Variants in CRACD observed in about 807,000 individuals in gnomAD.
CRACD encodes the protein capping protein inhibiting regulator of actin dynamics.
CRACD carries 56 observed loss-of-function variants against 106.8 expected under a neutral mutation model. The observed-to-expected ratio is 0.52, with a 90% confidence interval of 0.42 to 0.66. CRACD has a LOEUF of 0.66. Among genes scored for constraint, CRACD ranks in the 30% least tolerant of loss-of-function variants. The pLI, the probability that CRACD is intolerant of heterozygous loss-of-function variation, is 0.00. For synonymous variants in CRACD, 754 were observed against 670.8 expected, an observed-to-expected ratio of 1.12 and a Z score of -1.92; for missense variants, 1,730 against 1,623.2, an observed-to-expected ratio of 1.07 and a Z score of -1.13.
intron 3 of CRACD, among the ~76,000 whole-genome samples, chr4:56,278,435 G>T (rs1443392172): frequency 1.3e-5 from 2 of 152,110 alleles, no homozygotes; most frequent in Non-Finnish European, 2.9e-5. Context: ...AAATATTTCT[G>T]GGACAATTGG....
intron 1 of CRACD, among the ~76,000 whole-genome samples, chr4:56,168,104 A>G (rs1736217401): frequency 6.6e-6 from 1 of 152,172 alleles, no homozygotes; most frequent in Admixed American, 6.5e-5. Flanking sequence ...CTACAATGTT[A>G]AAGAGAAGTA....
chr4:56,258,043 C>T (rs1165831513), intron 2 of CRACD, among the ~76,000 whole-genome samples: 1 of 150,028 alleles, frequency 6.7e-6, no homozygotes, highest in Non-Finnish European at 1.5e-5. Flanking sequence ...GCACTCCAGC[C>T]TGGCGACAGA....
chr4:56,176,590 G>A (rs570492197), intron 1 of CRACD, among the ~76,000 whole-genome samples: 3 of 151,794 alleles, frequency 2.0e-5, no homozygotes, highest in African/African-American at 4.8e-5. Flanking sequence ...TACCACGCCC[G>A]GCTAATTTTT....
chr4:56,059,144 A>T (rs1732184141), intron 1 of CRACD, among the ~76,000 whole-genome samples: 1 of 152,164 alleles, frequency 6.6e-6, no homozygotes, highest in Non-Finnish European at 1.5e-5. Flanking sequence ...TTGAAGTTTA[A>T]TGAAGATTTC....
Position 56,301,272 on chromosome 4 carries a change from T to C in CRACD, c.120+2923T>C, listed in dbSNP as rs1034209725. Reference sequence around the variant, plus strand: ...GGTAAGTCGTAGAAGTGATAGTAACTTTATTAACTTGCATGAATGCTTTGC... The same window carrying C: ...GGTAAGTCGTAGAAGTGATAGTAACCTTATTAACTTGCATGAATGCTTTGC... On this transcript the variant is annotated intron_variant, in intron 4 of 10. Coordinates refer to ENST00000682029, the MANE Select transcript of CRACD (RefSeq NM_001393381.1). 5.5e-6 allele frequency: 7 copies of C among 1,272,154 alleles called. No individual in the cohort carries two copies. In the African/African-American group the frequency reaches 1.1e-4, roughly 19 times the overall value. 78.8% of individuals were successfully genotyped at this position (1,272,154 alleles called of 1,614,324 possible).
intron 2 of CRACD, among the ~76,000 whole-genome samples, chr4:56,217,753 A>G (rs1194203888): frequency 6.6e-6 from 1 of 152,224 alleles, no homozygotes; most frequent in Non-Finnish European, 1.5e-5. Flanking sequence ...GGCATATTTG[A>G]CCACCACTTT....
intron 2 of CRACD, among the ~76,000 whole-genome samples, chr4:56,248,229 T>C (rs993043857): frequency 2.0e-5 from 3 of 152,228 alleles, no homozygotes; most frequent in Non-Finnish European, 2.9e-5. Context: ...TTCAAGTGGT[T>C]AGAAAATATT....
At chr4:56,284,292 T>TGAAAAAA (rs761644427) in intron 3 of CRACD, among the ~76,000 whole-genome samples, 1 of 45,484 alleles carries the variant, frequency 2.2e-5, no homozygotes, top group East Asian at 1.2e-3. Flanking sequence ...CATCCTAAAG[T>TGAAAAAA]AAAAAAAAAA....
chr4:56,199,314 A>G (rs1188823601), intron 2 of CRACD, among the ~76,000 whole-genome samples: 1 of 152,228 alleles, frequency 6.6e-6, no homozygotes, highest in Non-Finnish European at 1.5e-5. Flanking sequence ...ATGTTTGGTT[A>G]TATAGATATT....
In CRACD at chr4:56,144,517, A is replaced by G. The variant is rs187854012; in HGVS notation, c.-335-34767A>G. On this transcript the variant is annotated intron_variant, in intron 1 of 10. Transcript: ENST00000682029. ...AATAGATTTTGACTATACTTGGGCCAGGGTTTCTAACTGGGATGTTGAATC... is the reference window on the plus strand; with the variant it reads ...AATAGATTTTGACTATACTTGGGCCGGGGTTTCTAACTGGGATGTTGAATC... Among the ~76,000 whole-genome samples, 13 of 152,278 alleles carry G rather than the reference A, an allele frequency of 8.5e-5. No homozygotes were observed. In the East Asian group the frequency reaches 2.1e-3, roughly 25 times the overall value.
intron 5 of CRACD, 122 bp from the exon 6 acceptor site, chr4:56,310,544 G>C (rs13123803): frequency 1.4e-5 from 10 of 694,008 alleles, no homozygotes; most frequent in Middle Eastern, 3.4e-4. Flanking sequence ...CTGGCTCTCT[G>C]AGGCCAGCTG....
chr4:56,157,973 T>C (rs1392551309), intron 1 of CRACD, among the ~76,000 whole-genome samples: 1 of 152,228 alleles, frequency 6.6e-6, no homozygotes, highest in African/African-American at 2.4e-5. Context: ...TTAAAATATT[T>C]TCCCTGCCTG....
chr4:56,317,849 C>T (rs1271985994), intron 8 of CRACD, among the ~76,000 whole-genome samples: 1 of 143,504 alleles, frequency 7.0e-6, no homozygotes, highest in Non-Finnish European at 1.5e-5. Flanking sequence ...GATGTTTCTT[C>T]AGATTAAATG....
chr4:56,230,309 G>T (rs1362477908), intron 2 of CRACD, among the ~76,000 whole-genome samples: 1 of 152,126 alleles, frequency 6.6e-6, no homozygotes, highest in Non-Finnish European at 1.5e-5. Flanking sequence ...TAAAAAGCAT[G>T]CAGGCTTTTT....
At chr4:56,244,453 G>A (rs1740561497) in intron 2 of CRACD, among the ~76,000 whole-genome samples, 1 of 152,098 alleles carries the variant, frequency 6.6e-6, no homozygotes, top group South Asian at 2.1e-4. Context: ...AGGTACCTAC[G>A]GACATCCAAG....
rs537035131 is a variant in CRACD, at chr4:56,214,716, A to G, written c.-189+35286A>G. On this transcript the variant is annotated intron_variant, in intron 2 of 10. Transcript: ENST00000682029. Reference sequence around the variant, plus strand: ...ATATATCAAACAGTTATTTTTTTTTAAGAGACAGTGTACTGGCCAGGCACA... The same window carrying G: ...ATATATCAAACAGTTATTTTTTTTTGAGAGACAGTGTACTGGCCAGGCACA... Among the ~76,000 whole-genome samples the G allele has an allele frequency of 5.2e-5, 5 of 96,438 alleles. No homozygotes were observed. In the Admixed American group the frequency reaches 5.5e-4, roughly 11 times the overall value. The allele number at this position is 96,438 out of a possible 152,430, so 63.3% of individuals were successfully genotyped here.
intron 2 of CRACD, among the ~76,000 whole-genome samples, chr4:56,221,893 AT>A (rs1257933140): frequency 6.6e-6 from 1 of 152,220 alleles, no homozygotes; most frequent in Non-Finnish European, 1.5e-5. Context: ...AAAACAGTAG[AT>A]GTTGGCATAG....
intron 3 of CRACD, among the ~76,000 whole-genome samples, chr4:56,276,331 C>A (rs1742671829): frequency 6.6e-6 from 1 of 152,020 alleles, no homozygotes; most frequent in South Asian, 2.1e-4. Context: ...AAATAGGATT[C>A]TTTATGTGGG....
intron 1 of CRACD, among the ~76,000 whole-genome samples, chr4:56,132,209 T>C (rs371079608): frequency 6.6e-6 from 1 of 152,078 alleles, no homozygotes. Context: ...CTAATTTTTT[T>C]TGGTATTTTT....
Sources: allele counts gnomAD v4.1 joint callset (sites outside exome capture counted in the v4.1 genomes callset), GRCh38; gene constraint gnomAD v4.1.1; transcripts MANE v1.5; gene names NCBI Gene and HGNC (gene_info 2026-07-23, HGNC 2026-07-21).